The following SENP7 variants were observed in gnomAD, a reference collection of about 807,000 sequenced individuals.
The protein encoded by SENP7 is sentrin-specific protease 7.
SENP7 carries 64 observed loss-of-function variants against 141.2 expected under a neutral mutation model. The ratio of observed to expected loss-of-function variants is 0.45; its 90% CI spans 0.37 to 0.56. The LOEUF (loss-of-function observed/expected upper bound fraction) is 0.56, where lower values mean the gene tolerates loss of function less well. Ranked by LOEUF, SENP7 falls within the 20% of genes least tolerant of loss-of-function variation. The pLI is 0.00. For synonymous variants in SENP7, 382 were observed against 426.4 expected (o/e 0.90, Z 1.28); for missense variants, 1,025 against 1,212.2 (o/e 0.85, Z 2.29).
intron 3 of SENP7, among the ~76,000 whole-genome samples, chr3:101,465,325 A>C (rs2063726521): frequency 6.6e-6 from 1 of 152,114 alleles, no homozygotes; most frequent in Admixed American, 6.5e-5. Context: ...TTGCCTACAC[A>C]AATCATTTAG....
intron 17 of SENP7, chr3:101,337,056 C>G (rs954969416): frequency 6.6e-6 from 1 of 152,304 alleles, no homozygotes; most frequent in African/African-American, 2.4e-5. Flanking sequence ...GACAGTGAGA[C>G]AGCAAAGATT....
intron 6 of SENP7, among the ~76,000 whole-genome samples, chr3:101,383,724 G>C (rs2060572894): frequency 6.6e-6 from 1 of 152,250 alleles, no homozygotes; most frequent in Non-Finnish European, 1.5e-5. Flanking sequence ...ATGAGCACAG[G>C]AGGGAAGGGG....
intron 1 of SENP7, among the ~76,000 whole-genome samples, chr3:101,501,907 G>A (rs1239048080): frequency 6.6e-6 from 1 of 152,188 alleles, no homozygotes; most frequent in African/African-American, 2.4e-5. Flanking sequence ...TTTTCAAAAT[G>A]ATGCTGAGGC....
At chr3:101,374,171 T>A (rs775279648) in intron 6 of SENP7, among the ~76,000 whole-genome samples, 29 of 152,160 alleles carry the variant, frequency 1.9e-4, no homozygotes, top group Non-Finnish European at 3.5e-4. Context: ...CTCAAAAGAT[T>A]TTTGACAAGG....
intron 19 of SENP7, among the ~76,000 whole-genome samples, chr3:101,331,109 C>A (rs1300853815): frequency 7.7e-6 from 1 of 129,094 alleles, no homozygotes; most frequent in Admixed American, 9.1e-5. Flanking sequence ...GTTAGCAAAC[C>A]TAGTGTATTT....
chr3:101,424,564 A>G (rs1271728862), intron 4 of SENP7, among the ~76,000 whole-genome samples: 4 of 151,990 alleles, frequency 2.6e-5, no homozygotes, highest in Non-Finnish European at 5.9e-5. Flanking sequence ...CACAAAGAAC[A>G]GCACACCTTC....
intron 4 of SENP7, among the ~76,000 whole-genome samples, chr3:101,437,913 G>A (rs186853147): frequency 1.9e-4 from 29 of 151,550 alleles, no homozygotes; most frequent in African/African-American, 6.1e-4. Flanking sequence ...CATTAGGATG[G>A]CTACTACAAA....
rs73862804 is a variant in SENP7 at position 101,501,235 on chromosome 3, T to G, written c.41-116A>C. The G allele has an allele frequency of 4.3e-6, 3 of 692,062 alleles. No individual in the cohort carries two copies. The African/African-American group carries it at 5.5e-5, about 13-fold the overall frequency. The allele number at this position is 692,062 out of a possible 1,614,324, so 42.9% of individuals were successfully genotyped here. On this transcript the variant is annotated intron_variant, in intron 1 of 23. Transcript: ENST00000394095. ...TTGTTTTAAATTAACTTGTTAGATT[T>G]AGAATTTACACATTTTACAGAAACT...
intron 13 of SENP7, among the ~76,000 whole-genome samples, chr3:101,346,946 AAGG>A (rs1302678706): frequency 3.3e-5 from 5 of 151,884 alleles, no homozygotes; most frequent in African/African-American, 7.3e-5. Flanking sequence ...TGTTTAAAAA[AAGG>A]AGGAGGAGGG....
intron 4 of SENP7, among the ~76,000 whole-genome samples, chr3:101,425,654 T>G (rs1005476034): frequency 1.3e-5 from 2 of 152,198 alleles, no homozygotes; most frequent in African/African-American, 4.8e-5. Flanking sequence ...GGTTCTGAAC[T>G]AGGCTGAGAT....
intron 4 of SENP7, among the ~76,000 whole-genome samples, chr3:101,419,429 G>A (rs2061720715): frequency 6.6e-6 from 1 of 152,182 alleles, no homozygotes; most frequent in South Asian, 2.1e-4. Flanking sequence ...TAAAATGGAA[G>A]TGCTAGGAAT....
chr3:101,479,413 TG>T (rs1293034940), intron 3 of SENP7, among the ~76,000 whole-genome samples: 2 of 152,054 alleles, frequency 1.3e-5, no homozygotes, highest in Admixed American at 1.3e-4. Context: ...CTGAGCAACA[TG>T]GCAAGACACC....
intron 6 of SENP7, among the ~76,000 whole-genome samples, 176 bp from the exon 7 acceptor site, chr3:101,372,302 C>T (rs184363745): frequency 6.6e-6 from 1 of 152,154 alleles, no homozygotes; most frequent in Admixed American, 6.5e-5. Context: ...GTTATCCTCC[C>T]TTTTCTACCT....
chr3:101,336,706 T>C (rs998837104), intron 17 of SENP7, among the ~76,000 whole-genome samples: 1 of 152,212 alleles, frequency 6.6e-6, no homozygotes. Context: ...TAGATTATCA[T>C]ACAAATTGTT....
intron 2 of SENP7, among the ~76,000 whole-genome samples, chr3:101,500,534 C>A (rs187006505): frequency 6.6e-6 from 1 of 152,080 alleles, no homozygotes; most frequent in East Asian, 1.9e-4. Flanking sequence ...CAGAGCAAGA[C>A]CCTGTCTCTT....
intron 10 of SENP7, chr3:101,363,056 G>T: frequency 1.9e-5 from 8 of 414,870 alleles, no homozygotes; most frequent in Non-Finnish European, 2.6e-5. Flanking sequence ...CTTACCTCTC[G>T]CAAATGTGAC....
At chr3:101,360,845 G>A (rs1056563579) in intron 11 of SENP7, among the ~76,000 whole-genome samples, 1 of 152,186 alleles carries the variant, frequency 6.6e-6, no homozygotes, top group Non-Finnish European at 1.5e-5. Flanking sequence ...TTTCCTGGAA[G>A]AGTCAGTATA....
intron 1 of SENP7, among the ~76,000 whole-genome samples, chr3:101,511,722 A>T (rs560766313): frequency 6.6e-6 from 1 of 152,354 alleles, no homozygotes; most frequent in East Asian, 1.9e-4. Context: ...AGAGATCCAT[A>T]ATCACTCTCC....
chr3:101,428,972 G>C (rs192994733), intron 4 of SENP7, among the ~76,000 whole-genome samples: 4 of 152,098 alleles, frequency 2.6e-5, no homozygotes, highest in Admixed American at 2.6e-4. Context: ...GCTTGTTTTT[G>C]TCAGGTTTGT....
Sources: allele counts gnomAD v4.1 joint callset (sites outside exome capture counted in the v4.1 genomes callset), GRCh38; gene constraint gnomAD v4.1.1; transcripts MANE v1.5; gene names NCBI Gene and HGNC (gene_info 2026-07-23, HGNC 2026-07-21).